Variants in AGBL4 observed in about 807,000 individuals in gnomAD.
The protein encoded by AGBL4 is AGBL carboxypeptidase 4.
A neutral mutation model predicts 66.4 loss-of-function variants in AGBL4; 58 were observed. That is an observed-to-expected ratio of 0.87 (90% CI 0.71 to 1.09). The LOEUF is 1.09. AGBL4 is among the 50% of genes least tolerant of loss of function. AGBL4 has a pLI of 0.00. For synonymous variants in AGBL4, 234 were observed against 222.9 expected (o/e 1.05, Z -0.44); for missense variants, 579 against 631.0 (o/e 0.92, Z 0.88).
chr1:49,873,296 G>A (rs1443942418), intron 1 of AGBL4, among the ~76,000 whole-genome samples: 1 of 151,754 alleles, frequency 6.6e-6, no homozygotes, highest in African/African-American at 2.4e-5. Context: ...ATCTATCTAG[G>A]AATAAACTGT....
At chr1:50,007,694 G>A (rs1661239702) in intron 1 of AGBL4, among the ~76,000 whole-genome samples, 2 of 152,122 alleles carry the variant, frequency 1.3e-5, no homozygotes, top group African/African-American at 2.4e-5. Flanking sequence ...TTGAACCCAG[G>A]ATGTCAAGAC....
At chr1:49,577,744 CAT>C in intron 3 of AGBL4, among the ~76,000 whole-genome samples, 1 of 152,318 alleles carries the variant, frequency 6.6e-6, no homozygotes, top group East Asian at 1.9e-4. Context: ...CTGGTCTTAC[CAT>C]GTTCCTCATT....
chr1:49,979,119 C>T (rs1658837540), intron 1 of AGBL4, among the ~76,000 whole-genome samples: 1 of 152,126 alleles, frequency 6.6e-6, no homozygotes, highest in Non-Finnish European at 1.5e-5. Context: ...TTATAATTTA[C>T]TACTGTAAAA....
At chr1:49,052,620 T>C (rs887987094) in intron 4 of AGBL4, among the ~76,000 whole-genome samples, 2 of 152,136 alleles carry the variant, frequency 1.3e-5, no homozygotes, top group African/African-American at 4.8e-5. Context: ...TTTGGGATTA[T>C]TAGGTGGTAG....
intron 6 of AGBL4, among the ~76,000 whole-genome samples, chr1:48,729,558 T>C (rs957587156): frequency 2.0e-5 from 3 of 152,068 alleles, no homozygotes; most frequent in Admixed American, 1.3e-4. Context: ...CTAGAGGGGA[T>C]TGTGAAGACT....
intron 6 of AGBL4, among the ~76,000 whole-genome samples, chr1:48,722,010 A>G (rs980971354): frequency 4.8e-4 from 73 of 152,172 alleles, no homozygotes; most frequent in African/African-American, 1.7e-3. Context: ...TGAATTATTC[A>G]GATAATTCAC....
intron 3 of AGBL4, among the ~76,000 whole-genome samples, chr1:49,517,943 A>G (rs753588881): frequency 6.6e-6 from 1 of 151,998 alleles, no homozygotes; most frequent in Non-Finnish European, 1.5e-5. Flanking sequence ...TCCTTTATCA[A>G]TAATCTCCCT....
intron 5 of AGBL4, among the ~76,000 whole-genome samples, chr1:48,958,527 A>C (rs1249526742): frequency 6.6e-6 from 1 of 152,240 alleles, no homozygotes; most frequent in Non-Finnish European, 1.5e-5. Flanking sequence ...TACATATTAG[A>C]GCCTCAGTAT....
chr1:49,629,791 G>A (rs1228501878), intron 3 of AGBL4, among the ~76,000 whole-genome samples: 1 of 152,012 alleles, frequency 6.6e-6, no homozygotes, highest in Non-Finnish European at 1.5e-5. Context: ...AGTATTACGG[G>A]GTCCTCCCTC....
intron 2 of AGBL4, among the ~76,000 whole-genome samples, chr1:49,743,705 A>G (rs574602539): frequency 6.6e-6 from 1 of 152,232 alleles, no homozygotes; most frequent in South Asian, 2.1e-4. Context: ...CATATACACC[A>G]TGGAATACTA....
intron 2 of AGBL4, among the ~76,000 whole-genome samples, chr1:49,714,742 T>C (rs1647961244): frequency 6.6e-6 from 1 of 151,808 alleles, no homozygotes; most frequent in Admixed American, 6.6e-5. Flanking sequence ...AACATACAAC[T>C]ACAGGTTTAT....
intron 1 of AGBL4, among the ~76,000 whole-genome samples, chr1:50,013,840 C>T (rs1233606079): frequency 6.6e-6 from 1 of 152,142 alleles, no homozygotes; most frequent in African/African-American, 2.4e-5. Flanking sequence ...GAATGAAAGG[C>T]ACCAATTAAT....
At chr1:49,644,641 G>A (rs1645850145) in intron 3 of AGBL4, among the ~76,000 whole-genome samples, 1 of 151,360 alleles carries the variant, frequency 6.6e-6, no homozygotes. Context: ...AAGCTTCTAG[G>A]AGAAATAGAA....
At position 48,661,856 on chromosome 1, in the gene AGBL4, T is replaced by C. The variant is rs562603106; in HGVS notation, c.724+1296A>G. Among the ~76,000 whole-genome samples, 8 of 152,306 alleles carry C rather than the reference T, an allele frequency of 5.3e-5. No individual in the cohort carries two copies. The South Asian group carries it at 1.7e-3, about 32-fold the overall frequency. ...GAGATCTGCTGCCAAGTTTAGTAACTGACAGATGGCGCAAGTAAAGGGGTT... is the reference window on the plus strand; with the variant it reads ...GAGATCTGCTGCCAAGTTTAGTAACCGACAGATGGCGCAAGTAAAGGGGTT... On this transcript the variant is annotated intron_variant, in intron 7 of 13. Transcript: ENST00000371839.
chr1:48,557,725 C>A (rs138790659), intron 11 of AGBL4, among the ~76,000 whole-genome samples: 77 of 152,316 alleles, frequency 5.1e-4, no homozygotes, highest in African/African-American at 1.8e-3. Flanking sequence ...TTGGTCTGGG[C>A]TTCCAGAGAC....
At chr1:48,842,778 C>T (rs143325861) in intron 6 of AGBL4, among the ~76,000 whole-genome samples, 259 of 152,134 alleles carry the variant, frequency 1.7e-3, no homozygotes, top group African/African-American at 6.0e-3. Context: ...AAATTTCCAT[C>T]GAGGGATGAA....
chr1:49,936,811 G>A (rs558162227), intron 1 of AGBL4, among the ~76,000 whole-genome samples: 1,671 of 152,202 alleles, frequency 0.011, 27 homozygotes, highest in African/African-American at 0.039. Context: ...TCACCACAAG[G>A]CCTGCCATAA....
chr1:49,298,375 C>T (rs1214965429), intron 3 of AGBL4, among the ~76,000 whole-genome samples: 1 of 152,186 alleles, frequency 6.6e-6, no homozygotes, highest in African/African-American at 2.4e-5. Context: ...GGTTTCAGTG[C>T]CCAGCTACTG....
intron 3 of AGBL4, among the ~76,000 whole-genome samples, chr1:49,658,456 C>T (rs932214941): frequency 6.6e-6 from 1 of 152,186 alleles, no homozygotes; most frequent in Non-Finnish European, 1.5e-5. Flanking sequence ...GTGGCGATTC[C>T]TCAGGGATCT....
Sources: gnomAD v4.1 joint callset for allele counts (sites outside exome capture counted in the v4.1 genomes callset) on GRCh38, gnomAD v4.1.1 for gene constraint, MANE v1.5 for transcripts, NCBI Gene and HGNC (gene_info 2026-07-23, HGNC 2026-07-21) for gene names.